The following CRK variants were observed in gnomAD, a reference collection of about 807,000 sequenced individuals.
CRK encodes the protein adapter molecule crk.
A neutral mutation model predicts 29.8 loss-of-function variants in CRK; 4 were observed. The observed-to-expected ratio is 0.13, with a 90% CI of 0.07 to 0.31. The LOEUF (loss-of-function observed/expected upper bound fraction) is 0.31, where lower values mean the gene tolerates loss of function less well. Among genes scored for constraint, CRK ranks in the 10% least tolerant of loss-of-function variants. CRK has a pLI of 1.00. For missense variants in CRK, 274 were observed against 396.5 expected, an observed-to-expected ratio of 0.69 and a Z score of 2.62; for synonymous variants, 153 against 164.9, an observed-to-expected ratio of 0.93 and a Z score of 0.55.
intron 1 of CRK, among the ~76,000 whole-genome samples, chr17:1,442,763 T>C (rs774523951): frequency 2.0e-5 from 3 of 151,510 alleles, no homozygotes; most frequent in Admixed American, 1.3e-4. Context: ...TGTGCCACCA[T>C]GCCTGGCTAA....
intron 1 of CRK, among the ~76,000 whole-genome samples, chr17:1,440,926 G>C (rs1268348540): frequency 6.6e-6 from 1 of 152,164 alleles, no homozygotes; most frequent in East Asian, 1.9e-4. Context: ...ATCCAAATGA[G>C]TTTTGTGAGT....
chr17:1,436,213 A>C (rs61762267), intron 2 of CRK, among the ~76,000 whole-genome samples: 135 of 152,198 alleles, frequency 8.9e-4, no homozygotes, highest in African/African-American at 2.7e-3. Flanking sequence ...TTTGCGGGAA[A>C]ATTCCATTTA....
rs1237983426 is a variant in CRK at position 1,422,147 on chromosome 17, TTTTTTTTC to T, written c.*1358_*1365del. 2 of 151,086 alleles carry T rather than the reference TTTTTTTTC, an allele frequency of 1.3e-5. No individual in the cohort carries two copies. The highest frequency in any genetic ancestry group is 2.9e-5 in the Non-Finnish European group (2 of 67,888). 9.4% of individuals were successfully genotyped at this position (151,086 alleles called of 1,614,324 possible). Reference sequence around the variant, plus strand: ...AAGTAATTCACAATTGGTTCAACATTTTTTTTTCTTTTTTTTTTCCTTTTTTTTTTTTT... The same window carrying T: ...AAGTAATTCACAATTGGTTCAACATTTTTTTTTTTTCCTTTTTTTTTTTTT... On this transcript the variant is annotated 3_prime_UTR_variant, in exon 3 of 3. Coordinates refer to ENST00000300574, the MANE Select transcript of CRK (RefSeq NM_016823.4).
chr17:1,448,634 A>AAAAAAAAAAAAAAAAC (rs2073993896), intron 1 of CRK, among the ~76,000 whole-genome samples: 1 of 146,174 alleles, frequency 6.8e-6, no homozygotes, highest in African/African-American at 2.5e-5. Context: ...AAAAAAAAAA[A>AAAAAAAAAAAAAAAAC]AAAAAAAAGA....
intron 2 of CRK, among the ~76,000 whole-genome samples, chr17:1,435,758 A>G (rs2073881976): frequency 6.6e-6 from 1 of 152,070 alleles, no homozygotes; most frequent in African/African-American, 2.4e-5. Context: ...CCTGGTCTCA[A>G]GTGGTCTTCC....
intron 1 of CRK, among the ~76,000 whole-genome samples, chr17:1,451,771 G>A (rs185565460): frequency 8.3e-4 from 126 of 151,440 alleles, no homozygotes; most frequent in African/African-American, 2.9e-3. Flanking sequence ...CTGAGGTCAG[G>A]AGTTCGAGAC....
At chr17:1,443,943 GC>G (rs1392784126) in intron 1 of CRK, among the ~76,000 whole-genome samples, 1 of 145,398 alleles carries the variant, frequency 6.9e-6, no homozygotes, top group Non-Finnish European at 1.5e-5. Flanking sequence ...CTTGTGATCC[GC>G]CCGCCTCGGC....
chr17:1,423,396 CAG>C lies in CRK; in HGVS notation c.*115_*116del. On this transcript the variant is annotated 3_prime_UTR_variant, in exon 3 of 3. Coordinates refer to ENST00000300574, the MANE Select transcript of CRK (RefSeq NM_016823.4). Reference sequence around the variant, plus strand: ...TCAGTCTAAAAAATATCACAGGTAACAGAATGCTTATATAAACTAGACTGCTT... The same window carrying C: ...TCAGTCTAAAAAATATCACAGGTAACAATGCTTATATAAACTAGACTGCTT... 1 of 1,271,054 alleles carries C rather than the reference CAG, an allele frequency of 7.9e-7. No homozygotes were observed. Among genetic ancestry groups the C allele is most frequent in the Middle Eastern group, 2.0e-4 (1 of 5,036 alleles). The allele number at this position is 1,271,054 out of a possible 1,614,324, so 78.7% of individuals were successfully genotyped here. A position where few individuals can be genotyped will look rare whatever the true frequency, so the allele number is the denominator to read the frequency against.
chr17:1,433,631 G>C (rs2073864287), intron 2 of CRK, among the ~76,000 whole-genome samples: 1 of 141,068 alleles, frequency 7.1e-6, no homozygotes, highest in African/African-American at 2.7e-5. Context: ...TGATTCTCCT[G>C]TCTTAGCCTC....
At chr17:1,434,792 CAAAAAA>C (rs376877954) in intron 2 of CRK, among the ~76,000 whole-genome samples, 4 of 124,750 alleles carry the variant, frequency 3.2e-5, no homozygotes, top group Admixed American at 8.8e-5. Context: ...CAAAAAGAAC[CAAAAAA>C]AAAAAAAAAA....
intron 2 of CRK, among the ~76,000 whole-genome samples, chr17:1,431,275 G>C (rs928175945): frequency 1.3e-5 from 2 of 152,148 alleles, no homozygotes; most frequent in South Asian, 2.1e-4. Flanking sequence ...GGCTGGAGGA[G>C]GGCAGAGGAA....
intron 2 of CRK, among the ~76,000 whole-genome samples, chr17:1,434,628 C>T (rs567338876): frequency 6.6e-6 from 1 of 152,026 alleles, no homozygotes; most frequent in East Asian, 1.9e-4. Context: ...ACTAAAAATA[C>T]AAAAATTAGC....
chr17:1,449,796 G>A (rs1203163379), intron 1 of CRK, among the ~76,000 whole-genome samples: 1 of 152,168 alleles, frequency 6.6e-6, no homozygotes, highest in Non-Finnish European at 1.5e-5. Flanking sequence ...GAACTCCCAA[G>A]CTATGGCACC....
At chr17:1,451,333 C>T (rs2074016461) in intron 1 of CRK, among the ~76,000 whole-genome samples, 2 of 151,810 alleles carry the variant, frequency 1.3e-5, no homozygotes, top group African/African-American at 4.8e-5. Context: ...GGGGTTCAAG[C>T]GATTCTCGTG....
chr17:1,456,199 G>C lies in CRK; in HGVS notation c.-82C>G, dbSNP rs567063714. ...CCGGCGCCCGCCGCCCAGCGGACCG[G>C]CTCCGGTTTCAGCTTCACAGCAGCG... is the stretch of plus-strand genomic sequence containing the variant. On this transcript the variant is annotated 5_prime_UTR_variant, in exon 1 of 3. Transcript: ENST00000300574. The C allele has an allele frequency of 2.2e-6, 3 of 1,350,148 alleles. No homozygotes were observed. The highest frequency in any genetic ancestry group is 4.2e-5 in the Admixed American group (1 of 24,034). The allele number at this position is 1,350,148 out of a possible 1,614,324, so 83.6% of individuals were successfully genotyped here.
At chr17:1,425,142 T>G (rs559437171) in intron 2 of CRK, among the ~76,000 whole-genome samples, 2 of 151,776 alleles carry the variant, frequency 1.3e-5, no homozygotes, top group African/African-American at 4.8e-5. Context: ...CAGGCTGGAG[T>G]GCAGTGGCGC....
chr17:1,441,707 G>C (rs969968740), intron 1 of CRK, among the ~76,000 whole-genome samples: 6 of 151,666 alleles, frequency 4.0e-5, no homozygotes, highest in Non-Finnish European at 8.8e-5. Context: ...GGCCAGGCTG[G>C]TCTACAACTC....
At chr17:1,444,109 T>C (rs1215459946) in intron 1 of CRK, among the ~76,000 whole-genome samples, 1 of 151,872 alleles carries the variant, frequency 6.6e-6, no homozygotes, top group African/African-American at 2.4e-5. Context: ...GTTGGGATTA[T>C]AGGCATGAGC....
At chr17:1,429,434 C>CA (rs1391412078) in intron 2 of CRK, among the ~76,000 whole-genome samples, 1 of 152,014 alleles carries the variant, frequency 6.6e-6, no homozygotes, top group Non-Finnish European at 1.5e-5. Context: ...CCACCATGCT[C>CA]AGTTAATTTT....
Sources: allele counts gnomAD v4.1 joint callset (sites outside exome capture counted in the v4.1 genomes callset), GRCh38; gene constraint gnomAD v4.1.1; transcripts MANE v1.5; gene names NCBI Gene and HGNC (gene_info 2026-07-23, HGNC 2026-07-21).